The following MAGI2 variants were observed in gnomAD, a reference collection of about 807,000 sequenced individuals.
MAGI2 encodes the protein membrane associated guanylate kinase, WW and PDZ domain containing 2, also known as membrane-associated guanylate kinase, WW and PDZ domain-containing protein 2.
MAGI2 carries 35 observed loss-of-function variants against 133.3 expected under a neutral mutation model. The ratio of observed to expected loss-of-function variants is 0.26; its 90% CI spans 0.20 to 0.35. The LOEUF is 0.35. Among genes scored for constraint, MAGI2 ranks in the 10% least tolerant of loss-of-function variants. MAGI2 has a pLI of 1.00. For missense variants in MAGI2, 1,636 were observed against 1,863.4 expected (o/e 0.88, Z 2.25); for synonymous variants, 729 against 710.6 (o/e 1.03, Z -0.41).
intron 2 of MAGI2, among the ~76,000 whole-genome samples, chr7:78,882,518 C>T (rs1642893): frequency 0.61 from 92,819 of 151,784 alleles, 29,709 homozygotes; most frequent in Middle Eastern, 0.75. Context: ...TTCTATGAAG[C>T]CAGTGTCACC....
chr7:79,034,913 C>A (rs1810968209), intron 1 of MAGI2, among the ~76,000 whole-genome samples: 2 of 152,164 alleles, frequency 1.3e-5, no homozygotes, highest in African/African-American at 4.8e-5. Flanking sequence ...AGATGAATTT[C>A]TTAATAACGA....
chr7:78,323,577 C>T (rs1440390344), intron 9 of MAGI2, among the ~76,000 whole-genome samples: 1 of 152,144 alleles, frequency 6.6e-6, no homozygotes, highest in Non-Finnish European at 1.5e-5. Flanking sequence ...CCTTGGAATC[C>T]TGCTTCATTA....
chr7:78,636,155 T>C (rs887642113), intron 2 of MAGI2, among the ~76,000 whole-genome samples: 1 of 152,212 alleles, frequency 6.6e-6, no homozygotes, highest in African/African-American at 2.4e-5. Flanking sequence ...TATGCACATT[T>C]TATAAAATAT....
chr7:78,695,052 C>T (rs188825540), intron 2 of MAGI2, among the ~76,000 whole-genome samples: 6 of 152,094 alleles, frequency 3.9e-5, no homozygotes, highest in East Asian at 3.9e-4. Context: ...GGTGAAACCC[C>T]GTCTCTACTA....
chr7:78,627,282 TTTG>T, intron 2 of MAGI2, 43 bp from the exon 3 acceptor site: 1 of 1,455,224 alleles, frequency 6.9e-7, no homozygotes, highest in Non-Finnish European at 9.1e-7. Flanking sequence ...CGCTAAGTGA[TTTG>T]TTGTTGAACT....
At chr7:78,701,517 T>C (rs1818071583) in intron 2 of MAGI2, among the ~76,000 whole-genome samples, 1 of 151,968 alleles carries the variant, frequency 6.6e-6, no homozygotes, top group Admixed American at 6.6e-5. Context: ...ATAATTCATG[T>C]TTGGAATCTT....
At chr7:79,165,179 G>GT (rs1243764460) in intron 1 of MAGI2, among the ~76,000 whole-genome samples, 2,209 of 139,190 alleles carry the variant, frequency 0.016, 44 homozygotes, top group African/African-American at 0.05. Flanking sequence ...TTTGTTTTTT[G>GT]TTTTTTTTTT....
At chr7:78,642,422 T>C (rs1810410682) in intron 2 of MAGI2, among the ~76,000 whole-genome samples, 1 of 152,200 alleles carries the variant, frequency 6.6e-6, no homozygotes, top group Non-Finnish European at 1.5e-5. Context: ...TGTGTTGCAT[T>C]GCAGCAAAAT....
chr7:79,039,756 C>T (rs1443790278), intron 1 of MAGI2, among the ~76,000 whole-genome samples: 1 of 150,146 alleles, frequency 6.7e-6, no homozygotes, highest in Non-Finnish European at 1.5e-5. Flanking sequence ...CCAAGGTGGT[C>T]AGATCACTTG....
chr7:78,889,149 T>C (rs1488979087), intron 2 of MAGI2, among the ~76,000 whole-genome samples: 1 of 151,900 alleles, frequency 6.6e-6, no homozygotes, highest in Non-Finnish European at 1.5e-5. Flanking sequence ...ATCAAATTAA[T>C]AAAATGAAGC....
At chr7:78,227,850 T>TTGTGTGTGTGTGCGTGTG (rs1789552583) in intron 10 of MAGI2, among the ~76,000 whole-genome samples, 1 of 145,546 alleles carries the variant, frequency 6.9e-6, no homozygotes, top group Non-Finnish European at 1.5e-5. Context: ...TCTTACTCAG[T>TTGTGTGTGTGTGCGTGTG]TGTGTGTGTG....
chr7:78,043,596 CCTT>C (rs756040855), intron 21 of MAGI2, among the ~76,000 whole-genome samples: 3 of 152,162 alleles, frequency 2.0e-5, no homozygotes, highest in Non-Finnish European at 2.9e-5. Context: ...CCTGTCAGTG[CCTT>C]CTTCTTTTTT....
At chr7:78,552,030 C>A (rs989191702) in intron 3 of MAGI2, among the ~76,000 whole-genome samples, 2 of 152,098 alleles carry the variant, frequency 1.3e-5, no homozygotes, top group African/African-American at 2.4e-5. Flanking sequence ...TAGGCATAAG[C>A]CACTGCATCC....
At chr7:78,949,854 C>T (rs1370853107) in intron 2 of MAGI2, among the ~76,000 whole-genome samples, 1 of 152,182 alleles carries the variant, frequency 6.6e-6, no homozygotes, top group African/African-American at 2.4e-5. Flanking sequence ...ACTCGGAAAT[C>T]CATGTTGGCA....
chr7:78,924,979 GA>G (rs1563670895), intron 2 of MAGI2, among the ~76,000 whole-genome samples: 1 of 151,952 alleles, frequency 6.6e-6, no homozygotes, highest in Non-Finnish European at 1.5e-5. Context: ...TCAAAAGTTA[GA>G]TAGGGAAAGG....
chr7:79,355,041 T>C (rs961624270), intron 1 of MAGI2, among the ~76,000 whole-genome samples: 2 of 152,202 alleles, frequency 1.3e-5, no homozygotes, highest in Non-Finnish European at 2.9e-5. Context: ...TGCCAGAGTC[T>C]TGCCCTTTTA....
chr7:78,701,679 C>A, intron 2 of MAGI2, among the ~76,000 whole-genome samples: 1 of 151,908 alleles, frequency 6.6e-6, no homozygotes, highest in East Asian at 1.9e-4. Context: ...TTTCCTCCTT[C>A]CTTCCTTCAT....
At chr7:78,478,768 G>T (rs1792048676) in intron 6 of MAGI2, among the ~76,000 whole-genome samples, 1 of 151,942 alleles carries the variant, frequency 6.6e-6, no homozygotes, top group African/African-American at 2.4e-5. Flanking sequence ...CAAATGTGTA[G>T]GATTTTCTTT....
chr7:78,026,137 T>C (rs1219285992), intron 21 of MAGI2: 1 of 152,546 alleles, frequency 6.6e-6, no homozygotes, highest in Non-Finnish European at 1.5e-5. Context: ...CATAAGTACA[T>C]ATCAGTATAT....
Sources: allele counts gnomAD v4.1 joint callset (sites outside exome capture counted in the v4.1 genomes callset), GRCh38; gene constraint gnomAD v4.1.1; transcripts MANE v1.5; gene names NCBI Gene and HGNC (gene_info 2026-07-23, HGNC 2026-07-21).